The following FAT3 variants were observed in gnomAD, a reference collection of about 807,000 sequenced individuals.
FAT3 encodes protocadherin Fat 3.
Under a neutral mutation model 310.2 loss-of-function variants are expected in FAT3, and 95 were observed. The ratio of observed to expected loss-of-function variants is 0.31; its 90% CI spans 0.26 to 0.36. The LOEUF (loss-of-function observed/expected upper bound fraction) is 0.36, where lower values mean the gene tolerates loss of function less well. FAT3 is among the 10% of genes least tolerant of loss of function. The pLI is 1.00. For synonymous variants in FAT3, 2,314 were observed against 2,192.9 expected (o/e 1.06, Z -1.54); for missense variants, 5,408 against 5,715.6 (o/e 0.95, Z 1.74).
intron 3 of FAT3, among the ~76,000 whole-genome samples, chr11:92,551,414 T>TGTGTGTGTGTG (rs1954813785): frequency 1.6e-5 from 2 of 128,876 alleles, no homozygotes; most frequent in Admixed American, 8.4e-5. Flanking sequence ...TTTTTTTGTT[T>TGTGTGTGTGTG]TGTGTGTGTG....
chr11:92,305,486 A>G (rs1410996743), intron 1 of FAT3, among the ~76,000 whole-genome samples: 1 of 152,162 alleles, frequency 6.6e-6, no homozygotes, highest in Non-Finnish European at 1.5e-5. Flanking sequence ...ACTTAGTCCC[A>G]AAGTATCTCC....
At position 92,813,083 on chromosome 11, in the gene FAT3, T is replaced by A. The variant is rs142187788; in HGVS notation, c.9481+3007T>A. Among the ~76,000 whole-genome samples the A allele has an allele frequency of 7.3e-3, 1,114 of 152,250 alleles. 12 individuals carry two copies. Among genetic ancestry groups the A allele is most frequent in the African/African-American group, 0.026 (1,064 of 41,534 alleles). On this transcript the variant is annotated intron_variant, in intron 13 of 27. Coordinates refer to ENST00000525166, the MANE Select transcript of FAT3 (RefSeq NM_001367949.2). Reference sequence around the variant, plus strand: ...TTTGCTTCCCTTTGACCTTCTGCTGTGATTGTAAGTTTCCTGAGGCCTCTC... The same window carrying A: ...TTTGCTTCCCTTTGACCTTCTGCTGAGATTGTAAGTTTCCTGAGGCCTCTC...
In FAT3 at chr11:92,847,449, C is replaced by T. The variant is rs896649417; in HGVS notation, c.11365+2717C>T. Among the ~76,000 whole-genome samples, 6 of 152,244 alleles carry T rather than the reference C, an allele frequency of 3.9e-5. No individual in the cohort carries two copies. In the South Asian group the frequency reaches 6.2e-4, roughly 16 times the overall value. ...TTTGCACAATGACGAAATAGCCCAA[C>T]GATGCATTTCACAGAATATATCCCC... On this transcript the variant is annotated intron_variant, in intron 19 of 27. Transcript: ENST00000525166.
intron 21 of FAT3, among the ~76,000 whole-genome samples, chr11:92,865,957 G>T (rs986563790): frequency 5.3e-5 from 8 of 152,178 alleles, no homozygotes; most frequent in African/African-American, 1.9e-4. Flanking sequence ...CATTCATGAG[G>T]GCCAGGTGTC....
At chr11:92,559,800 T>C (rs1955159887) in intron 3 of FAT3, among the ~76,000 whole-genome samples, 1 of 152,220 alleles carries the variant, frequency 6.6e-6, no homozygotes. Context: ...TGTATCAGTA[T>C]TTCATTTCTT....
At chr11:92,486,638 C>T (rs1484123021) in intron 2 of FAT3, among the ~76,000 whole-genome samples, 1 of 152,124 alleles carries the variant, frequency 6.6e-6, no homozygotes, top group Non-Finnish European at 1.5e-5. Flanking sequence ...TTAGTTACTG[C>T]AATAAATTTG....
At chr11:92,280,563 C>T (rs746066614) in intron 1 of FAT3, among the ~76,000 whole-genome samples, 74 of 152,188 alleles carry the variant, frequency 4.9e-4, no homozygotes, top group African/African-American at 1.6e-3. Context: ...CTGCCAGCTG[C>T]AGCTATCTGT....
intron 1 of FAT3, among the ~76,000 whole-genome samples, chr11:92,293,451 A>C (rs1320852728): frequency 6.7e-6 from 1 of 148,946 alleles, no homozygotes; most frequent in African/African-American, 2.5e-5. Context: ...AATTATAATC[A>C]TACTCATGAT....
intron 1 of FAT3, among the ~76,000 whole-genome samples, chr11:92,240,127 C>T (rs1864614561): frequency 6.6e-6 from 1 of 152,044 alleles, no homozygotes; most frequent in Admixed American, 6.6e-5. Flanking sequence ...ATCTTTATGT[C>T]CTTTGGCAAT....
In FAT3 at chr11:92,800,615, C is replaced by T. The variant is rs1429025620; in HGVS notation, c.7602C>T (p.Ala2534=). 1 of 1,613,712 alleles carries T rather than the reference C, an allele frequency of 6.2e-7. No homozygotes were observed. The highest frequency in any genetic ancestry group is 1.1e-5 in the South Asian group (1 of 91,010). The change falls in exon 10 of 28, where the codon GCC becomes GCT. Residue 2534 remains alanine (A), a synonymous_variant. Coordinates refer to ENST00000525166, the MANE Select transcript of FAT3 (RefSeq NM_001367949.2). ...DPGTYGQISY[A]IINDFAKDRF... ...GGACTTATGGGCAGATCAGCTATGCCATCATCAATGACTTTGCCAAGGATC... is the reference window on the plus strand; with the variant it reads ...GGACTTATGGGCAGATCAGCTATGCTATCATCAATGACTTTGCCAAGGATC...
In FAT3 at chr11:92,678,604, G is replaced by A. The variant is rs969433296; in HGVS notation, c.3608-18780G>A. ...GCAAGAATGCTGATCTTGAGGCATT[G>A]CTATGAGACCAAACTTCTAATAATG... On this transcript the variant is annotated intron_variant, in intron 3 of 27. Transcript: ENST00000525166. Among the ~76,000 whole-genome samples, 9 of 152,236 alleles carry A rather than the reference G, an allele frequency of 5.9e-5. 1 individual carries two copies. The highest frequency in any genetic ancestry group is 2.2e-4 in the African/African-American group (9 of 41,554).
intron 2 of FAT3, among the ~76,000 whole-genome samples, chr11:92,433,028 A>G (rs1195159195): frequency 1.3e-5 from 2 of 152,110 alleles, no homozygotes; most frequent in African/African-American, 4.8e-5. Flanking sequence ...AGCTTTATTT[A>G]CACCGTGAAG....
intron 2 of FAT3, among the ~76,000 whole-genome samples, chr11:92,399,387 T>G (rs2134856810): frequency 6.6e-6 from 1 of 152,318 alleles, no homozygotes; most frequent in Middle Eastern, 3.4e-3. Flanking sequence ...GAGGAAATAG[T>G]TAATGATATT....
rs540416684 is a variant in FAT3 at position 92,866,691 on chromosome 11, T to C, written c.11659-50T>C. 36 of 1,533,270 alleles carry C rather than the reference T, an allele frequency of 2.3e-5. No homozygotes were observed. The South Asian group carries it at 4.3e-4, about 18-fold the overall frequency. 95.0% of individuals were successfully genotyped at this position (1,533,270 alleles called of 1,614,324 possible). On this transcript the variant is annotated intron_variant, in intron 21 of 27. Transcript: ENST00000525166. The stretch of plus-strand genomic sequence containing the variant: ...GGCCAGGAGCAGGGTGTAGGGAACA[T>C]ATTCCCAGTTGCATGTTGAAAAGTG...
At chr11:92,719,134 G>GA (rs1204220340) in intron 4 of FAT3, among the ~76,000 whole-genome samples, 4 of 152,094 alleles carry the variant, frequency 2.6e-5, no homozygotes, top group African/African-American at 9.7e-5. Flanking sequence ...TTTTATAAAG[G>GA]TACTGCTCAG....
chr11:92,425,591 T>C lies in FAT3; in HGVS notation c.3292+70187T>C, dbSNP rs185434124. Among the ~76,000 whole-genome samples the C allele has an allele frequency of 1.6e-3, 246 of 152,130 alleles. 2 individuals carry two copies. The highest frequency in any genetic ancestry group is 5.8e-3 in the African/African-American group (241 of 41,490). ...TGATATTCCCCTCTCTGTGCCTAGA[T>C]GTTCTCATTGTTCAACTCCCACTTA... On this transcript the variant is annotated intron_variant, in intron 2 of 27. Transcript: ENST00000525166.
chr11:92,521,670 T>G (rs1953689345), intron 2 of FAT3, among the ~76,000 whole-genome samples: 1 of 152,276 alleles, frequency 6.6e-6, no homozygotes, highest in Admixed American at 6.5e-5. Context: ...TGAAACTGGG[T>G]TATTCAAGGC....
intron 4 of FAT3, among the ~76,000 whole-genome samples, chr11:92,745,389 G>T (rs1945629240): frequency 6.6e-6 from 1 of 152,126 alleles, no homozygotes; most frequent in Non-Finnish European, 1.5e-5. Context: ...GGACTCATCT[G>T]TTTGAAAGGG....
intron 2 of FAT3, among the ~76,000 whole-genome samples, chr11:92,415,849 C>CTTTTTTTTTTTTTTTTTTTTTTTT (rs1196695394): frequency 2.8e-5 from 2 of 70,440 alleles, no homozygotes; most frequent in Admixed American, 1.7e-4. Context: ...AGCATTTTTG[C>CTTTTTTTTTTTTTTTTTTTTTTTT]TTTTTTTTTT....
Sources: allele counts gnomAD v4.1 joint callset (sites outside exome capture counted in the v4.1 genomes callset), GRCh38; gene constraint gnomAD v4.1.1; transcripts MANE v1.5; gene names NCBI Gene and HGNC (gene_info 2026-07-23, HGNC 2026-07-21).